The following BAG1 variants were observed in gnomAD, a reference collection of about 807,000 sequenced individuals.
The protein encoded by BAG1 is BAG cochaperone 1.
A neutral mutation model predicts 35.5 loss-of-function variants in BAG1; 35 were observed. The observed-to-expected ratio is 0.99, with a 90% CI of 0.75 to 1.31. The LOEUF is 1.31. BAG1 is among the 50% of genes most tolerant of loss of function. BAG1 has a pLI of 0.00. For synonymous variants in BAG1, 191 were observed against 178.9 expected, an observed-to-expected ratio of 1.07 and a Z score of -0.54; for missense variants, 464 against 453.6, an observed-to-expected ratio of 1.02 and a Z score of -0.21.
chr9:33,264,501 T>G lies in BAG1; in HGVS notation c.174A>C (p.Arg58=). The G allele has an allele frequency of 6.2e-7, 1 of 1,607,496 alleles. No homozygotes were observed. Residue 58 remains arginine, a synonymous_variant, in exon 1 of 7, where the codon CGA becomes CGC. Transcript: ENST00000634734. ...CGCCGGCGGCGGCGCCCCTGGTGGG[T>G]CGGTCATGCCCGCTGGCAGTACTCC... is the stretch of plus-strand genomic sequence containing the variant.
chr9:33,255,307 G>T lies in BAG1; in HGVS notation c.950C>A (p.Ala317Glu). The change falls in exon 7 of 7, where the codon GCA (alanine) becomes GAA (glutamate). Residue 317 changes from alanine to glutamate, a missense_variant and splice_region_variant. Ala to Glu is a moderately radical substitution (Grantham distance 107, BLOSUM62 -1). Transcript: ENST00000634734. ...CACTGTGTCACACTCGGCTAGGAATGCCTAGAAAATACACACGGGGCAGTA... is the reference window on the plus strand; with the variant it reads ...CACTGTGTCACACTCGGCTAGGAATTCCTAGAAAATACACACGGGGCAGTA... The T allele has an allele frequency of 6.2e-7, 1 of 1,614,208 alleles. No homozygotes were observed. The highest frequency in any genetic ancestry group is 8.5e-7 in the Non-Finnish European group (1 of 1,180,040).
At position 33,264,542 on chromosome 9, in the gene BAG1, C is replaced by G. The variant is rs1071545; in HGVS notation, c.133G>C (p.Gly45Arg). 1 allele frequency: 1,529,008 copies of G among 1,535,128 alleles called. 761,631 individuals are homozygous for G. Among genetic ancestry groups the G allele is most frequent in the East Asian group, 1 (43,008 of 43,008 alleles). Residue 45 changes from glycine to arginine, a missense_variant, in exon 1 of 7, where the codon GGG becomes CGG. Transcript: ENST00000634734. ...GCAGTACTCCGGGCAGGTGGACGCC[C>G]AGAGGGAGGCGGACCACGCTGGGCC...
In BAG1 at chr9:33,264,585, C is replaced by T; in HGVS notation, c.90G>A (p.Pro30=). 3 of 1,405,798 alleles carry T rather than the reference C, an allele frequency of 2.1e-6. No homozygotes were observed. Among genetic ancestry groups the T allele is most frequent in the Non-Finnish European group, 2.8e-6 (3 of 1,089,830 alleles). 87.1% of individuals were successfully genotyped at this position (1,405,798 alleles called of 1,614,324 possible). Residue 30 remains proline (P), a synonymous_variant, in exon 1 of 7, where the codon CCG becomes CCA. Transcript: ENST00000634734. Reference sequence around the variant, plus strand: ...GCTGGGCCGGGGGCTCCGACTGGCGCGGCTCCCGGCCTGGCCGAAGGGCGC... The same window carrying T: ...GCTGGGCCGGGGGCTCCGACTGGCGTGGCTCCCGGCCTGGCCGAAGGGCGC...
chr9:33,264,676 C>G lies in BAG1; in HGVS notation c.-2G>C. On this transcript the variant is annotated 5_prime_UTR_variant, in exon 1 of 7. Transcript: ENST00000634734. ...CCGCGCCCCCCCGCGCTGAGCCAGG[C>G]CCGCACTTGTTGACCGCCCAGCGAT... is the stretch of plus-strand genomic sequence containing the variant. 1 of 1,357,076 alleles carries G rather than the reference C, an allele frequency of 7.4e-7. No individual in the cohort carries two copies. Among genetic ancestry groups the G allele is most frequent in the Non-Finnish European group, 9.4e-7 (1 of 1,062,514 alleles). The allele number at this position is 1,357,076 out of a possible 1,614,324, so 84.1% of individuals were successfully genotyped here. A position where few individuals can be genotyped will look rare whatever the true frequency, so the allele number is the denominator to read the frequency against.
intron 2 of BAG1, among the ~76,000 whole-genome samples, chr9:33,261,706 A>G (rs1208743785): frequency 6.6e-6 from 1 of 152,240 alleles, no homozygotes; most frequent in Admixed American, 6.5e-5. Flanking sequence ...ATGAAATATA[A>G]ATAAAAATGC....
chr9:33,257,265 T>C (rs1820475549), intron 4 of BAG1: 1 of 202,536 alleles, frequency 4.9e-6, no homozygotes, highest in African/African-American at 2.3e-5. Flanking sequence ...TAACTTGTGA[T>C]CTTGAGCAAA....
chr9:33,256,833 A>T lies in BAG1; in HGVS notation c.853T>A (p.Phe285Ile), dbSNP rs1820463739. Residue 285 changes from phenylalanine to isoleucine, a missense_variant, in exon 5 of 7, where the codon TTT becomes ATT. Physicochemically the swap from Phe to Ile is conservative, Grantham distance 21. Transcript: ENST00000634734. Reference sequence around the variant, plus strand: ...TCAATCTCCTCCAAGATCTTCATAAACTGCTCTATTGTGGCTTTTACTCTC... The same window carrying T: ...TCAATCTCCTCCAAGATCTTCATAATCTGCTCTATTGTGGCTTTTACTCTC... 1 of 1,614,028 alleles carries T rather than the reference A, an allele frequency of 6.2e-7. No individual in the cohort carries two copies. Among genetic ancestry groups the T allele is most frequent in the African/African-American group, 1.3e-5 (1 of 74,942 alleles).
intron 2 of BAG1, chr9:33,262,184 C>G: frequency 3.1e-6 from 4 of 1,289,768 alleles, no homozygotes; most frequent in Non-Finnish European, 4.0e-6. Context: ...AAATCTGACA[C>G]CTGTCCAGGT....
chr9:33,254,970 GT>G lies in BAG1; in HGVS notation c.*248del. ...AACAGCTGGGAAAATTTGGGCAGAG[GT>G]GGCCCTCTCCAGAAAAGGTGGATTG... is the stretch of plus-strand genomic sequence containing the variant. On this transcript the variant is annotated 3_prime_UTR_variant, in exon 7 of 7. Coordinates refer to ENST00000634734, the MANE Select transcript of BAG1 (RefSeq NM_004323.6). The G allele has an allele frequency of 7.0e-7, 1 of 1,424,534 alleles. No homozygotes were observed. 88.2% of individuals were successfully genotyped at this position (1,424,534 alleles called of 1,614,324 possible). A position where few individuals can be genotyped will look rare whatever the true frequency, so the allele number is the denominator to read the frequency against.
At chr9:33,255,815 A>T in intron 6 of BAG1, 50 bp downstream of exon 6, 5 of 1,557,150 alleles carry the variant, frequency 3.2e-6, no homozygotes, top group Non-Finnish European at 4.4e-6. Context: ...AAACACACAT[A>T]CCTACACATT....
chr9:33,255,862 C>A lies in BAG1; in HGVS notation c.948+3G>T. 1 of 1,613,170 alleles carries A rather than the reference C, an allele frequency of 6.2e-7. No individual in the cohort carries two copies. Among genetic ancestry groups the A allele is most frequent in the African/African-American group, 1.3e-5 (1 of 75,040 alleles). On this transcript the variant is annotated splice_donor_region_variant and intron_variant, in intron 6 of 6. Transcript: ENST00000634734. ...CCTTGTCGTGCACTATTACACAACTCACCTGAACCTTTTTTACCAAGCCTT... is the reference window on the plus strand; with the variant it reads ...CCTTGTCGTGCACTATTACACAACTAACCTGAACCTTTTTTACCAAGCCTT...
At position 33,255,324 on chromosome 9, in the gene BAG1, G is replaced by A. The variant is rs369437844; in HGVS notation, c.949-16C>T. ...CTAGGAATGCCTAGAAAATACACAC[G>A]GGGCAGTAAGGGCCCATCCAGGGGT... On this transcript the variant is annotated splice_polypyrimidine_tract_variant and intron_variant, in intron 6 of 6. Coordinates refer to ENST00000634734, the MANE Select transcript of BAG1 (RefSeq NM_004323.6). The A allele has an allele frequency of 1.5e-4, 250 of 1,613,924 alleles. No individual in the cohort carries two copies. Among genetic ancestry groups the A allele is most frequent in the Non-Finnish European group, 2.0e-4 (236 of 1,180,026 alleles).
chr9:33,262,753 C>A lies in BAG1; in HGVS notation c.529G>T (p.Val177Phe). The change falls in exon 2 of 7, where the codon GTT becomes TTT. Residue 177 changes from valine (V) to phenylalanine (F), a missense_variant. Val to Phe is a conservative substitution (Grantham distance 50). Transcript: ENST00000634734. Reference sequence around the variant, plus strand: ...TGTGGAACCCCTATGACCTCTTCAACAACCTGGGCCAGGTCTTGGACAACT... The same window carrying A: ...TGTGGAACCCCTATGACCTCTTCAAAAACCTGGGCCAGGTCTTGGACAACT... 6.2e-7 allele frequency: 1 copy of A among 1,614,104 alleles called. No individual in the cohort carries two copies. The highest frequency in any genetic ancestry group is 8.5e-7 in the Non-Finnish European group (1 of 1,180,006).
chr9:33,260,997 G>T, intron 3 of BAG1, 90 bp downstream of exon 3: 1 of 1,031,702 alleles, frequency 9.7e-7, no homozygotes, highest in Non-Finnish European at 1.4e-6. Context: ...TGCAGAATCT[G>T]GGTCCCCAGT....
Position 33,255,906 on chromosome 9 carries a change from CTT to C in BAG1, c.905_906del (p.Lys302ArgfsTer3), listed in dbSNP as rs781270501. The C allele has an allele frequency of 6.2e-7, 1 of 1,613,966 alleles. No individual in the cohort carries two copies. Among genetic ancestry groups the C allele is most frequent in the Non-Finnish European group, 8.5e-7 (1 of 1,179,866 alleles). ...AAGCCTTTCCTTTTCAATCTACTGT[CTT>C]TGAAATTTTCTGGCAGGATCTATGG... On this transcript the variant is annotated frameshift_variant, in exon 6 of 7. Transcript: ENST00000634734. LOFTEE classifies it high-confidence loss of function.
At position 33,255,070 on chromosome 9, in the gene BAG1, T is replaced by C. The variant is rs768388627; in HGVS notation, c.*149A>G. The C allele has an allele frequency of 6.4e-7, 1 of 1,574,032 alleles. No homozygotes were observed. The highest frequency in any genetic ancestry group is 1.9e-5 in the Admixed American group (1 of 53,422). ...TACTCAAAATCACAAAGACACTATT[T>C]TTCATTGAGAACCAGTGTGAGAGTA... On this transcript the variant is annotated 3_prime_UTR_variant, in exon 7 of 7. Transcript: ENST00000634734.
At chr9:33,255,350 A>G (rs2117926069) in intron 6 of BAG1, 42 bp from the exon 7 acceptor site, 2 of 1,613,446 alleles carry the variant, frequency 1.2e-6, no homozygotes, top group South Asian at 1.1e-5. Flanking sequence ...ATCCAGGGGT[A>G]GCCGACCACT....
intron 3 of BAG1, among the ~76,000 whole-genome samples, chr9:33,260,661 G>A (rs1820549881): frequency 6.6e-6 from 1 of 152,174 alleles, no homozygotes. Context: ...TTTCCCTTGT[G>A]GGAGATTTTA....
At chr9:33,262,039 T>C in intron 2 of BAG1, 1 of 1,210,994 alleles carries the variant, frequency 8.3e-7, no homozygotes, top group Non-Finnish European at 1.1e-6. Context: ...TAATAGTAAT[T>C]TCATAGAAGT....
Sources: gnomAD v4.1 joint callset for allele counts (sites outside exome capture counted in the v4.1 genomes callset) on GRCh38, gnomAD v4.1.1 for gene constraint, MANE v1.5 for transcripts, NCBI Gene and HGNC (gene_info 2026-07-23, HGNC 2026-07-21) for gene names.